NCKAP5: variants seen among roughly 807,000 people sequenced by gnomAD.
NCKAP5 encodes nck-associated protein 5.
NCKAP5 carries 92 observed loss-of-function variants against 167.0 expected under a neutral mutation model. The observed-to-expected ratio is 0.55, with a 90% confidence interval of 0.47 to 0.66. NCKAP5 has a LOEUF of 0.66. Among genes scored for constraint, NCKAP5 ranks in the 30% least tolerant of loss-of-function variants. The pLI, the probability that NCKAP5 is intolerant of heterozygous loss-of-function variation, is 0.00. For synonymous variants in NCKAP5, 891 were observed against 877.4 expected (o/e 1.02, Z -0.27); for missense variants, 2,378 against 2,315.0 (o/e 1.03, Z -0.56).
At chr2:133,370,026 A>C (rs1335096885) in intron 3 of NCKAP5, among the ~76,000 whole-genome samples, 1 of 152,216 alleles carries the variant, frequency 6.6e-6, no homozygotes, top group African/African-American at 2.4e-5. Context: ...AGATCAGGTG[A>C]CATCCAAATC....
At chr2:132,907,908 C>A (rs999610920) in intron 8 of NCKAP5, among the ~76,000 whole-genome samples, 6 of 152,090 alleles carry the variant, frequency 3.9e-5, no homozygotes, top group Admixed American at 1.3e-4. Context: ...CCTCCTGCCT[C>A]ATCCTCCCAA....
intron 1 of NCKAP5, among the ~76,000 whole-genome samples, chr2:133,566,108 C>A (rs1026663217): frequency 6.6e-6 from 1 of 152,100 alleles, no homozygotes; most frequent in Non-Finnish European, 1.5e-5. Context: ...AGGAAGGCTC[C>A]AGAGAGAAGG....
At chr2:132,990,258 G>C (rs10754923) in intron 7 of NCKAP5, among the ~76,000 whole-genome samples, 119,455 of 152,114 alleles carry the variant, frequency 0.79, 47,304 homozygotes, top group African/African-American at 0.87. Flanking sequence ...AGAATGTGTG[G>C]AAGCTTATAT....
intron 3 of NCKAP5, among the ~76,000 whole-genome samples, chr2:133,374,737 G>A (rs78458186): frequency 0.02 from 3,080 of 152,210 alleles, 97 homozygotes; most frequent in African/African-American, 0.07. Flanking sequence ...TCTCAAAAAT[G>A]TCTACTAAAA....
intron 3 of NCKAP5, among the ~76,000 whole-genome samples, chr2:133,359,122 A>G (rs762787733): frequency 3.3e-5 from 5 of 152,214 alleles, no homozygotes; most frequent in Non-Finnish European, 7.3e-5. Context: ...TATGAAAGAA[A>G]CATTGACATT....
At chr2:133,271,355 T>G (rs2089503407) in intron 4 of NCKAP5, among the ~76,000 whole-genome samples, 1 of 152,182 alleles carries the variant, frequency 6.6e-6, no homozygotes, top group East Asian at 1.9e-4. Flanking sequence ...GCCTCCTGAC[T>G]TTTTGTTAAC....
chr2:132,962,145 C>T (rs2076531856), intron 8 of NCKAP5, among the ~76,000 whole-genome samples: 1 of 152,166 alleles, frequency 6.6e-6, no homozygotes, highest in South Asian at 2.1e-4. Context: ...TGTGGAGTAG[C>T]CCAACTCTTT....
intron 3 of NCKAP5, among the ~76,000 whole-genome samples, chr2:133,386,594 G>A (rs538705690): frequency 6.6e-6 from 1 of 152,234 alleles, no homozygotes; most frequent in Admixed American, 6.5e-5. Context: ...TTCAATTCTT[G>A]GATATCCTTA....
rs551286402 is a variant in NCKAP5, at chr2:132,870,568, G to T, written c.649-1594C>A. On this transcript the variant is annotated intron_variant, in intron 9 of 19. Coordinates refer to ENST00000409261, the MANE Select transcript of NCKAP5 (RefSeq NM_207363.3). ...AAGACTCATACCTGGCAGTGAGTTG[G>T]CAAAAACACAATTATAACACAGTGT... Among the ~76,000 whole-genome samples, 16 of 152,080 alleles carry T rather than the reference G, an allele frequency of 1.1e-4. No homozygotes were observed. In the East Asian group the frequency reaches 3.1e-3, roughly 29 times the overall value.
intron 19 of NCKAP5, among the ~76,000 whole-genome samples, chr2:132,675,223 G>A (rs953232577): frequency 6.6e-6 from 1 of 152,182 alleles, no homozygotes; most frequent in Non-Finnish European, 1.5e-5. Context: ...TGTCCTGCAG[G>A]GTGATCATTG....
At chr2:133,322,206 T>C (rs1260039266) in intron 3 of NCKAP5, among the ~76,000 whole-genome samples, 2 of 152,082 alleles carry the variant, frequency 1.3e-5, no homozygotes, top group Non-Finnish European at 2.9e-5. Flanking sequence ...AATACTTAAG[T>C]CAAATATTTT....
chr2:133,162,418 T>A (rs74626429), intron 5 of NCKAP5, among the ~76,000 whole-genome samples: 281 of 152,286 alleles, frequency 1.8e-3, no homozygotes, highest in African/African-American at 6.5e-3. Flanking sequence ...AAGGGATTGA[T>A]CTATGGAAAG....
chr2:132,689,906 G>A (rs1382391152), intron 19 of NCKAP5, among the ~76,000 whole-genome samples: 2 of 152,082 alleles, frequency 1.3e-5, no homozygotes, highest in Non-Finnish European at 2.9e-5. Flanking sequence ...TCTGCTAATG[G>A]TGTAGTCATA....
intron 11 of NCKAP5, among the ~76,000 whole-genome samples, chr2:132,798,541 C>T (rs1684783262): frequency 6.6e-6 from 1 of 152,186 alleles, no homozygotes; most frequent in Non-Finnish European, 1.5e-5. Context: ...AATGGATTAG[C>T]TATCTAAATG....
At chr2:133,100,863 A>G (rs1008835207) in intron 6 of NCKAP5, among the ~76,000 whole-genome samples, 3 of 152,072 alleles carry the variant, frequency 2.0e-5, no homozygotes, top group Non-Finnish European at 2.9e-5. Flanking sequence ...TGACGTTTGT[A>G]TTCTTAAAAT....
intron 16 of NCKAP5, 74 bp downstream of exon 16, chr2:132,773,742 A>G: frequency 8.3e-7 from 1 of 1,198,592 alleles, no homozygotes; most frequent in Non-Finnish European, 1.2e-6. Context: ...GTCTCTAGGA[A>G]TGTACCATAT....
intron 5 of NCKAP5, among the ~76,000 whole-genome samples, chr2:133,201,064 A>C (rs2085664315): frequency 6.6e-6 from 1 of 152,200 alleles, no homozygotes; most frequent in South Asian, 2.1e-4. Flanking sequence ...GAATCATTAC[A>C]ACAATATCCT....
chr2:133,410,123 G>C (rs1435563), intron 3 of NCKAP5, among the ~76,000 whole-genome samples: 45,450 of 152,056 alleles, frequency 0.3, 7,292 homozygotes, highest in African/African-American at 0.4. Context: ...TTTTAATCAC[G>C]ATTTGCCTCT....
chr2:133,069,358 T>C (rs747757897), intron 6 of NCKAP5, among the ~76,000 whole-genome samples: 101 of 152,226 alleles, frequency 6.6e-4, no homozygotes, highest in Non-Finnish European at 1.6e-4. Flanking sequence ...TGAACTCCTT[T>C]TGGACACTAA....
Sources: allele counts gnomAD v4.1 joint callset (sites outside exome capture counted in the v4.1 genomes callset), GRCh38; gene constraint gnomAD v4.1.1; transcripts MANE v1.5; gene names NCBI Gene and HGNC (gene_info 2026-07-23, HGNC 2026-07-21).